The following ST18 variants were observed in gnomAD, a reference collection of about 807,000 sequenced individuals.
ST18 encodes the protein suppression of tumorigenicity 18 protein.
In ST18, 50 loss-of-function variants were observed where a neutral mutation model predicts 110.0. The ratio of observed to expected loss-of-function variants is 0.45; its 90% CI spans 0.36 to 0.58. The LOEUF (loss-of-function observed/expected upper bound fraction) is 0.58, where lower values mean the gene tolerates loss of function less well. Among genes scored for constraint, ST18 ranks in the 20% least tolerant of loss-of-function variants. The pLI is 0.00. For missense variants in ST18, 1,306 were observed against 1,280.1 expected, an observed-to-expected ratio of 1.02 and a Z score of -0.31; for synonymous variants, 461 against 452.4, an observed-to-expected ratio of 1.02 and a Z score of -0.24.
chr8:52,264,446 G>A (rs1381620469), intron 2 of ST18, among the ~76,000 whole-genome samples: 1 of 152,186 alleles, frequency 6.6e-6, no homozygotes, highest in African/African-American at 2.4e-5. Flanking sequence ...TTGGGTGGCT[G>A]AGATATTTAT....
intron 22 of ST18, among the ~76,000 whole-genome samples, chr8:52,127,162 C>G (rs886314467): frequency 7.2e-5 from 11 of 151,974 alleles, no homozygotes; most frequent in African/African-American, 2.4e-4. Context: ...GAAGAAAAGC[C>G]CTTAATAAAT....
At chr8:52,306,590 G>A (rs2095816802) in intron 2 of ST18, among the ~76,000 whole-genome samples, 1 of 152,180 alleles carries the variant, frequency 6.6e-6, no homozygotes, top group Admixed American at 6.5e-5. Context: ...AAAATATAAT[G>A]GGCTGTATAG....
intron 2 of ST18, among the ~76,000 whole-genome samples, chr8:52,273,411 G>A (rs931158485): frequency 3.9e-5 from 6 of 152,098 alleles, no homozygotes; most frequent in East Asian, 1.9e-4. Flanking sequence ...AATAAAAATC[G>A]TTTTGAAACC....
At chr8:52,314,136 T>C (rs1327592666) in intron 2 of ST18, among the ~76,000 whole-genome samples, 2 of 152,148 alleles carry the variant, frequency 1.3e-5, no homozygotes, top group Non-Finnish European at 2.9e-5. Flanking sequence ...TTCATGGTGG[T>C]CTGAGGCTCT....
At chr8:52,130,165 A>AAGAAAGAAAGAAAGAAAG (rs753293510) in intron 22 of ST18, among the ~76,000 whole-genome samples, 1 of 119,658 alleles carries the variant, frequency 8.4e-6, no homozygotes, top group Admixed American at 7.9e-5. Context: ...GAAAGAAAGA[A>AAGAAAGAAAGAAAGAAAG]AAAGAAAAGA....
rs774019396 is a variant in ST18 at position 52,132,228 on chromosome 8, T to G, written c.2445-49A>C. On this transcript the variant is annotated intron_variant, in intron 21 of 25. Coordinates refer to ENST00000689386, the MANE Select transcript of ST18 (RefSeq NM_001352837.2). ...CCAGCCAGGAAGAAGGCAGTGATAG[T>G]CCTATGCTCTCCAGAGAACAAACCA... is the stretch of plus-strand genomic sequence containing the variant. The G allele has an allele frequency of 2.7e-6, 4 of 1,478,304 alleles. No individual in the cohort carries two copies. In the South Asian group the frequency reaches 4.9e-5, roughly 18 times the overall value. The allele number at this position is 1,478,304 out of a possible 1,614,324, so 91.6% of individuals were successfully genotyped here.
At chr8:52,113,774 A>C (rs932753230) in intron 25 of ST18, among the ~76,000 whole-genome samples, 3 of 152,042 alleles carry the variant, frequency 2.0e-5, no homozygotes, top group Admixed American at 6.6e-5. Flanking sequence ...AGAAACTTAA[A>C]GAATTTAAGA....
rs1183670847 is a variant in ST18, at chr8:52,357,672, TATAA to T, written c.-465+51652_-465+51655del. ...TTACACATAACAAATCCCCAAAATC[TATAA>T]ATATATATATATATATATATATATA... On this transcript the variant is annotated intron_variant, in intron 2 of 25. Coordinates refer to ENST00000689386, the MANE Select transcript of ST18 (RefSeq NM_001352837.2). 1.3e-3 allele frequency among the ~76,000 whole-genome samples: 96 copies of T among 72,994 alleles called. 3 individuals carry two copies. Among genetic ancestry groups the T allele is most frequent in the African/African-American group, 4.8e-3 (89 of 18,564 alleles). 47.9% of individuals were successfully genotyped at this position (72,994 alleles called of 152,430 possible).
At chr8:52,261,505 A>C (rs999218590) in intron 2 of ST18, among the ~76,000 whole-genome samples, 1 of 152,192 alleles carries the variant, frequency 6.6e-6, no homozygotes, top group Non-Finnish European at 1.5e-5. Flanking sequence ...TGTTAACTTC[A>C]AAATATAAAC....
At chr8:52,390,367 A>G (rs1838880205) in intron 2 of ST18, among the ~76,000 whole-genome samples, 1 of 152,142 alleles carries the variant, frequency 6.6e-6, no homozygotes, top group Non-Finnish European at 1.5e-5. Context: ...TCCAAAGTGC[A>G]CTATTTACAC....
chr8:52,226,135 A>G (rs935063353), intron 3 of ST18, among the ~76,000 whole-genome samples: 5 of 152,202 alleles, frequency 3.3e-5, no homozygotes, highest in African/African-American at 1.2e-4. Context: ...GCAAATCTCC[A>G]TGCTAAACTG....
At chr8:52,165,266 A>G in intron 11 of ST18, 41 bp from the exon 12 acceptor site, 1 of 1,595,620 alleles carries the variant, frequency 6.3e-7, no homozygotes, top group East Asian at 2.2e-5. Flanking sequence ...ATACTTTACC[A>G]TAAATACAAA....
chr8:52,319,298 A>G lies in ST18; in HGVS notation c.-464-89221T>C, dbSNP rs181893512. Among the ~76,000 whole-genome samples the G allele has an allele frequency of 6.0e-3, 914 of 152,232 alleles. 7 individuals are homozygous for G. The highest frequency in any genetic ancestry group is 0.021 in the African/African-American group (866 of 41,542). On this transcript the variant is annotated intron_variant, in intron 2 of 25. Coordinates refer to ENST00000689386, the MANE Select transcript of ST18 (RefSeq NM_001352837.2). ...AGCATTTCTCTGTGTATATATGTACATATTAATTAACCATGCCATTCAAAT... is the reference window on the plus strand; with the variant it reads ...AGCATTTCTCTGTGTATATATGTACGTATTAATTAACCATGCCATTCAAAT...
At chr8:52,375,143 A>G (rs549104920) in intron 2 of ST18, among the ~76,000 whole-genome samples, 1 of 151,296 alleles carries the variant, frequency 6.6e-6, no homozygotes, top group South Asian at 2.1e-4. Context: ...CTCTCTGCCT[A>G]TTTTTAATTT....
At chr8:52,120,941 G>A (rs903416309) in intron 23 of ST18, among the ~76,000 whole-genome samples, 1 of 152,082 alleles carries the variant, frequency 6.6e-6, no homozygotes. Flanking sequence ...GAGAGGAATC[G>A]ACGGAGAAGA....
chr8:52,293,878 G>A (rs906419598), intron 2 of ST18, among the ~76,000 whole-genome samples: 2 of 152,130 alleles, frequency 1.3e-5, no homozygotes, highest in Admixed American at 6.5e-5. Context: ...ATAATTTCTT[G>A]TCCTAGAATT....
chr8:52,185,761 C>T (rs1382354037), intron 8 of ST18, among the ~76,000 whole-genome samples: 1 of 152,098 alleles, frequency 6.6e-6, no homozygotes, highest in Non-Finnish European at 1.5e-5. Flanking sequence ...ACAGTGTACA[C>T]AATAAACTCC....
chr8:52,257,436 C>A (rs2094560275), intron 2 of ST18, among the ~76,000 whole-genome samples: 1 of 152,112 alleles, frequency 6.6e-6, no homozygotes, highest in Admixed American at 6.5e-5. Flanking sequence ...TCTATCCTCA[C>A]CAACACTTTT....
intron 8 of ST18, among the ~76,000 whole-genome samples, chr8:52,186,841 T>C (rs184646143): frequency 6.2e-4 from 94 of 152,314 alleles, no homozygotes; most frequent in African/African-American, 1.9e-3. Context: ...AATTAGTCGA[T>C]GAAGGCGGAG....
Sources: allele counts gnomAD v4.1 joint callset (sites outside exome capture counted in the v4.1 genomes callset), GRCh38; gene constraint gnomAD v4.1.1; transcripts MANE v1.5; gene names NCBI Gene and HGNC (gene_info 2026-07-23, HGNC 2026-07-21).